The following GPC5 variants were observed in gnomAD, a reference collection of about 807,000 sequenced individuals.
The protein encoded by GPC5 is glypican 5.
GPC5 carries 47 observed loss-of-function variants against 53.9 expected under a neutral mutation model. The observed-to-expected ratio is 0.87, with a 90% CI of 0.69 to 1.11. The LOEUF is 1.11. Ranked by LOEUF, GPC5 falls within the 50% of genes most tolerant of loss-of-function variation. The pLI, the probability that GPC5 is intolerant of heterozygous loss-of-function variation, is 0.00. For missense variants in GPC5, 748 were observed against 713.1 expected (o/e 1.05, Z -0.56); for synonymous variants, 286 against 263.3 (o/e 1.09, Z -0.84).
intron 6 of GPC5, among the ~76,000 whole-genome samples, chr13:92,012,950 G>A (rs2040675075): frequency 6.6e-6 from 1 of 152,130 alleles, no homozygotes; most frequent in South Asian, 2.1e-4. Flanking sequence ...TGTGGGACCT[G>A]GCCAGCAAGC....
intron 7 of GPC5, among the ~76,000 whole-genome samples, chr13:92,184,732 C>T (rs1019712998): frequency 2.0e-5 from 3 of 152,084 alleles, no homozygotes; most frequent in African/African-American, 7.2e-5. Context: ...AAGTTTAGAT[C>T]ACCTTAGTCT....
intron 7 of GPC5, among the ~76,000 whole-genome samples, chr13:92,310,308 A>G (rs1173097233): frequency 6.6e-6 from 1 of 152,078 alleles, no homozygotes; most frequent in Non-Finnish European, 1.5e-5. Flanking sequence ...GTTTGAGGCT[A>G]ATTTTCTCCT....
At chr13:92,620,968 A>C (rs1884849498) in intron 7 of GPC5, among the ~76,000 whole-genome samples, 1 of 152,224 alleles carries the variant, frequency 6.6e-6, no homozygotes, top group African/African-American at 2.4e-5. Context: ...AAATATTCCA[A>C]TCCAGTCTTG....
At chr13:92,547,038 A>C (rs1882142537) in intron 7 of GPC5, among the ~76,000 whole-genome samples, 1 of 152,194 alleles carries the variant, frequency 6.6e-6, no homozygotes, top group African/African-American at 2.4e-5. Flanking sequence ...TAAAGACTTA[A>C]ATTTTAGACC....
At chr13:92,652,925 A>C (rs1594384845) in intron 7 of GPC5, among the ~76,000 whole-genome samples, 1 of 152,240 alleles carries the variant, frequency 6.6e-6, no homozygotes, top group East Asian at 1.9e-4. Context: ...TAGCCTAAAA[A>C]GTGTGCATCT....
In GPC5 at chr13:91,555,858, C is replaced by T. The variant is rs115251339; in HGVS notation, c.325+106936C>T. 4.7e-3 allele frequency among the ~76,000 whole-genome samples: 713 copies of T among 152,144 alleles called. 4 individuals carry two copies. Among genetic ancestry groups the T allele is most frequent in the African/African-American group, 0.016 (680 of 41,530 alleles). ...CAAATCTCCTGAAAGTTATTCACTA[C>T]CATGAGACCAGTATGGGGGAAACCG... On this transcript the variant is annotated intron_variant, in intron 2 of 7. Coordinates refer to ENST00000377067, the MANE Select transcript of GPC5 (RefSeq NM_004466.6).
At chr13:91,992,682 A>G (rs931192560) in intron 6 of GPC5, among the ~76,000 whole-genome samples, 2 of 151,658 alleles carry the variant, frequency 1.3e-5, no homozygotes, top group Non-Finnish European at 2.9e-5. Flanking sequence ...GGTTTTGAAC[A>G]CCTGACCTCA....
chr13:92,517,699 C>A (rs1313377077), intron 7 of GPC5, among the ~76,000 whole-genome samples: 1 of 152,034 alleles, frequency 6.6e-6, no homozygotes, highest in East Asian at 1.9e-4. Context: ...TCATCAAAGA[C>A]CAAAGGTAGA....
Position 91,560,030 on chromosome 13 carries a change from C to T in GPC5, c.325+111108C>T, listed in dbSNP as rs372343923. 3.1e-4 allele frequency among the ~76,000 whole-genome samples: 46 copies of T among 150,786 alleles called. No homozygotes were observed. The South Asian group carries it at 7.4e-3, about 24-fold the overall frequency. On this transcript the variant is annotated intron_variant, in intron 2 of 7. Transcript: ENST00000377067. ...ATCAGTAAGGCTGAATTCATTGATACGACTGTACTTATTAGAGAGTCCAGA... is the reference window on the plus strand; with the variant it reads ...ATCAGTAAGGCTGAATTCATTGATATGACTGTACTTATTAGAGAGTCCAGA...
At chr13:92,617,643 C>T (rs747456550) in intron 7 of GPC5, among the ~76,000 whole-genome samples, 4 of 152,008 alleles carry the variant, frequency 2.6e-5, no homozygotes, top group African/African-American at 4.8e-5. Flanking sequence ...TTGTAGGTGT[C>T]AGACATATGT....
At chr13:92,613,372 T>C (rs1884520679) in intron 7 of GPC5, among the ~76,000 whole-genome samples, 1 of 82,434 alleles carries the variant, frequency 1.2e-5, no homozygotes, top group African/African-American at 4.6e-5. Flanking sequence ...TATTTATATA[T>C]AAATATATTA....
intron 7 of GPC5, among the ~76,000 whole-genome samples, chr13:92,486,968 G>A (rs1418497789): frequency 6.6e-6 from 1 of 151,890 alleles, no homozygotes; most frequent in South Asian, 2.1e-4. Context: ...AGATTCTCCT[G>A]TCTCAGCCTC....
At chr13:92,162,887 TTGTG>T (rs199829425) in intron 7 of GPC5, among the ~76,000 whole-genome samples, 5 of 152,144 alleles carry the variant, frequency 3.3e-5, no homozygotes, top group Admixed American at 2.6e-4. Flanking sequence ...ACTTTAGCAC[TTGTG>T]TGTGTGTGTT....
intron 7 of GPC5, among the ~76,000 whole-genome samples, chr13:92,251,664 A>G (rs1566504811): frequency 6.6e-6 from 1 of 152,130 alleles, no homozygotes; most frequent in Non-Finnish European, 1.5e-5. Flanking sequence ...CACAGTGCCT[A>G]GCACATACAA....
At chr13:92,019,119 C>T (rs2040734429) in intron 6 of GPC5, among the ~76,000 whole-genome samples, 1 of 151,768 alleles carries the variant, frequency 6.6e-6, no homozygotes, top group African/African-American at 2.4e-5. Flanking sequence ...AAATCAAGTG[C>T]CTTTTTAAGG....
chr13:91,438,128 A>G (rs948958923), intron 1 of GPC5, among the ~76,000 whole-genome samples: 1 of 151,328 alleles, frequency 6.6e-6, no homozygotes, highest in Admixed American at 6.6e-5. Context: ...TTTAGCTTGG[A>G]GTAGTTTGAT....
intron 2 of GPC5, among the ~76,000 whole-genome samples, chr13:91,470,246 G>A (rs182309976): frequency 2.0e-5 from 3 of 152,218 alleles, no homozygotes; most frequent in Admixed American, 2.0e-4. Flanking sequence ...TATAAGTGAA[G>A]CAGCACAGAG....
chr13:92,057,342 T>A (rs1309032186), intron 6 of GPC5, among the ~76,000 whole-genome samples: 1 of 152,078 alleles, frequency 6.6e-6, no homozygotes, highest in Non-Finnish European at 1.5e-5. Context: ...TTCTTAAAGC[T>A]TCCAGCCTAA....
chr13:92,699,136 T>C (rs1252074293), intron 7 of GPC5, among the ~76,000 whole-genome samples: 1 of 152,202 alleles, frequency 6.6e-6, no homozygotes, highest in Non-Finnish European at 1.5e-5. Flanking sequence ...GGATTCGACT[T>C]CTTCCTGGTT....
Sources: gnomAD v4.1 joint callset for allele counts (sites outside exome capture counted in the v4.1 genomes callset) on GRCh38, gnomAD v4.1.1 for gene constraint, MANE v1.5 for transcripts, NCBI Gene and HGNC (gene_info 2026-07-23, HGNC 2026-07-21) for gene names.